The following LPCAT3 variants were observed in gnomAD, a reference collection of about 807,000 sequenced individuals.
LPCAT3 encodes the protein lysophospholipid acyltransferase 5.
A neutral mutation model predicts 63.4 loss-of-function variants in LPCAT3; 21 were observed. The ratio of observed to expected loss-of-function variants is 0.33; its 90% CI spans 0.23 to 0.48. The LOEUF (loss-of-function observed/expected upper bound fraction) is 0.48. Among genes scored for constraint, LPCAT3 ranks in the 20% least tolerant of loss-of-function variants. The probability of loss-of-function intolerance (pLI) is 0.99; values close to 1 mark genes in which losing one functional copy is unlikely to be tolerated. For synonymous variants in LPCAT3, 242 were observed against 227.5 expected, an observed-to-expected ratio of 1.06 and a Z score of -0.58; for missense variants, 451 against 590.6, an observed-to-expected ratio of 0.76 and a Z score of 2.45.
intron 1 of LPCAT3, among the ~76,000 whole-genome samples, chr12:7,007,104 C>A (rs111676401): frequency 6.6e-6 from 1 of 151,604 alleles, no homozygotes; most frequent in Non-Finnish European, 1.5e-5. Context: ...AGTGCAATGG[C>A]GCGATCTCGG....
At position 7,018,232 on chromosome 12, in the gene LPCAT3, G is replaced by A. The variant is rs1370496483; in HGVS notation, c.151+42C>T. On this transcript the variant is annotated intron_variant, in intron 1 of 12. Coordinates refer to ENST00000261407, the MANE Select transcript of LPCAT3 (RefSeq NM_005768.6). This position sits in a 1 kb window ranked among gnomAD's most constrained non-coding sequence, Gnocchi z 4.9. ...TGTCCCCATTCCTCCCCTACTCCCCGGGGACTCCGCGAGGGGCGGAGGGAG... is the reference window on the plus strand; with the variant it reads ...TGTCCCCATTCCTCCCCTACTCCCCAGGGACTCCGCGAGGGGCGGAGGGAG... The A allele has an allele frequency of 2.6e-6, 4 of 1,566,718 alleles. No homozygotes were observed. The highest frequency in any genetic ancestry group is 2.7e-5 in the African/African-American group (2 of 74,036).
Position 6,981,272 on chromosome 12 carries a change from G to A in LPCAT3, c.499-90C>T, listed in dbSNP as rs1946468882. The stretch of plus-strand genomic sequence containing the variant: ...GTGTTCCCCACCTGTGTGCCCCACT[G>A]ACTGGGGTTCTTCAAATAGCCTTCT... On this transcript the variant is annotated intron_variant, in intron 5 of 12. Transcript: ENST00000261407. 5 of 1,069,920 alleles carry A rather than the reference G, an allele frequency of 4.7e-6. No homozygotes were observed. The Admixed American group carries it at 1.2e-4, about 25-fold the overall frequency. 66.3% of individuals were successfully genotyped at this position (1,069,920 alleles called of 1,614,324 possible). A position where few individuals can be genotyped will look rare whatever the true frequency, so the allele number is the denominator to read the frequency against.
intron 1 of LPCAT3, among the ~76,000 whole-genome samples, chr12:6,991,093 A>C (rs1946585661): frequency 6.6e-6 from 1 of 152,214 alleles, no homozygotes; most frequent in African/African-American, 2.4e-5. Flanking sequence ...TCTAATGAGA[A>C]GAATGCCACT....
At position 7,018,259 on chromosome 12, in the gene LPCAT3, C is replaced by A; in HGVS notation, c.151+15G>T. ...GGACTCCGCGAGGGGCGGAGGGAGG[C>A]AGGAGGGTCCTTACCCAGGAAGATG... On this transcript the variant is annotated intron_variant, in intron 1 of 12. Coordinates refer to ENST00000261407, the MANE Select transcript of LPCAT3 (RefSeq NM_005768.6). This position sits in a 1 kb window ranked among gnomAD's most constrained non-coding sequence, Gnocchi z 4.9. 1.9e-6 allele frequency: 3 copies of A among 1,588,926 alleles called. No homozygotes were observed. Among genetic ancestry groups the A allele is most frequent in the Non-Finnish European group, 2.6e-6 (3 of 1,167,876 alleles).
Position 6,987,534 on chromosome 12 carries a change from A to C in LPCAT3, c.152-3995T>G, listed in dbSNP as rs1451633558. On this transcript the variant is annotated intron_variant, in intron 1 of 12. Coordinates refer to ENST00000261407, the MANE Select transcript of LPCAT3 (RefSeq NM_005768.6). The surrounding 1 kb of genome is among the most constrained non-coding windows in gnomAD (Gnocchi z 4.1). ...TAAGAACTAGAGCCAGGAACTAGAA[A>C]GTATATAGACTAAATGTCAATGCCT... is the stretch of plus-strand genomic sequence containing the variant. Among the ~76,000 whole-genome samples, 9 of 152,242 alleles carry C rather than the reference A, an allele frequency of 5.9e-5. No individual in the cohort carries two copies. The highest frequency in any genetic ancestry group is 2.0e-4 in the Admixed American group (3 of 15,278).
intron 1 of LPCAT3, among the ~76,000 whole-genome samples, chr12:6,995,688 C>T (rs1267986770): frequency 2.0e-5 from 3 of 152,010 alleles, no homozygotes; most frequent in South Asian, 2.1e-4. Context: ...GCCTGCACCA[C>T]GTCTTCCCAG....
At chr12:6,979,407 T>A (rs2138329924) in intron 7 of LPCAT3, 64 bp downstream of exon 7, 1 of 1,211,758 alleles carries the variant, frequency 8.3e-7, no homozygotes, top group East Asian at 2.3e-5. Context: ...TCTGTAGGGA[T>A]CCTTGCCTGT....
chr12:6,999,080 C>A (rs1946661835), intron 1 of LPCAT3, among the ~76,000 whole-genome samples: 1 of 152,226 alleles, frequency 6.6e-6, no homozygotes, highest in Non-Finnish European at 1.5e-5. Flanking sequence ...GTCCAGATAA[C>A]AATCTATGCT....
In LPCAT3 at chr12:6,987,825, T is replaced by C. The variant is rs1946543376; in HGVS notation, c.152-4286A>G. 7 of 400,776 alleles carry C rather than the reference T, an allele frequency of 1.7e-5. No homozygotes were observed. The East Asian group carries it at 2.5e-4, about 14-fold the overall frequency. The allele number at this position is 400,776 out of a possible 1,614,324, so 24.8% of individuals were successfully genotyped here. On this transcript the variant is annotated intron_variant, in intron 1 of 12. Coordinates refer to ENST00000261407, the MANE Select transcript of LPCAT3 (RefSeq NM_005768.6). The surrounding 1 kb of genome is among the most constrained non-coding windows in gnomAD (Gnocchi z 4.1). ...TTCCAGAGTAAAGTCATGATGGCTT[T>C]ATGACGTTCTGAGGTATGTGAAATT...
At chr12:6,996,117 C>T (rs782469259) in intron 1 of LPCAT3, among the ~76,000 whole-genome samples, 1 of 152,114 alleles carries the variant, frequency 6.6e-6, no homozygotes, top group Non-Finnish European at 1.5e-5. Flanking sequence ...TCTGCCCGGG[C>T]CCCACTGTCC....
intron 1 of LPCAT3, among the ~76,000 whole-genome samples, chr12:7,009,449 C>G (rs1946747767): frequency 6.6e-6 from 1 of 152,200 alleles, no homozygotes; most frequent in Non-Finnish European, 1.5e-5. Flanking sequence ...TCCTCAAACT[C>G]TAGAGTAATA....
At position 7,018,372 on chromosome 12, in the gene LPCAT3, A is replaced by G; in HGVS notation, c.53T>C (p.Val18Ala). Residue 18 changes from valine (V) to alanine (A), a missense_variant, in exon 1 of 13, where the codon GTT becomes GCT. Coordinates refer to ENST00000261407, the MANE Select transcript of LPCAT3 (RefSeq NM_005768.6). The surrounding 1 kb of genome is among the most constrained non-coding windows in gnomAD (Gnocchi z 4.9). ...CAGCTCCTGGAAACCCGACTGCAGA[A>G]CCCCCGCCAGCGCCACCACAGTCCC... ...DEGTVVALAG[V>A]LQSGFQELSL... 6.2e-7 allele frequency: 1 copy of G among 1,610,352 alleles called. No individual in the cohort carries two copies. Among genetic ancestry groups the G allele is most frequent in the Non-Finnish European group, 8.5e-7 (1 of 1,178,496 alleles).
intron 1 of LPCAT3, among the ~76,000 whole-genome samples, chr12:7,005,822 T>C (rs1946721767): frequency 6.6e-6 from 1 of 152,242 alleles, no homozygotes. Flanking sequence ...ATCTGAATAC[T>C]AGACTTATGA....
intron 1 of LPCAT3, among the ~76,000 whole-genome samples, chr12:6,990,457 C>T (rs1226095369): frequency 2.1e-5 from 3 of 139,626 alleles, no homozygotes; most frequent in East Asian, 4.5e-4. Context: ...TGCAGTGAGC[C>T]GAGATTGTGC....
intron 1 of LPCAT3, among the ~76,000 whole-genome samples, chr12:7,005,582 G>A (rs745341831): frequency 9.9e-5 from 15 of 152,236 alleles, no homozygotes; most frequent in South Asian, 4.1e-4. Flanking sequence ...CAATTTCTCC[G>A]TATCTTCACC....
chr12:7,002,870 G>A (rs1019367909), intron 1 of LPCAT3, among the ~76,000 whole-genome samples: 10 of 152,144 alleles, frequency 6.6e-5, no homozygotes, highest in East Asian at 5.8e-4. Flanking sequence ...TTAGCTGGGC[G>A]TGGTGGCGGG....
At chr12:6,986,893 C>T (rs1946532597) in intron 1 of LPCAT3, among the ~76,000 whole-genome samples, 1 of 151,260 alleles carries the variant, frequency 6.6e-6, no homozygotes, top group East Asian at 1.9e-4. Context: ...GCGGGTGGGT[C>T]GCCTGAGATC....
At chr12:6,997,861 C>T (rs1946651884) in intron 1 of LPCAT3, among the ~76,000 whole-genome samples, 1 of 152,066 alleles carries the variant, frequency 6.6e-6, no homozygotes, top group African/African-American at 2.4e-5. Context: ...GCTGGGATTA[C>T]AGGCGAGAGC....
chr12:7,001,250 T>A (rs1299188543), intron 1 of LPCAT3, among the ~76,000 whole-genome samples: 4 of 130,848 alleles, frequency 3.1e-5, no homozygotes, highest in African/African-American at 1.1e-4. Flanking sequence ...GGGGGTGGGG[T>A]GGGGGCGGGA....
Sources: gnomAD v4.1 joint callset for allele counts (sites outside exome capture counted in the v4.1 genomes callset) on GRCh38, gnomAD v4.1.1 for gene constraint, Gnocchi (gnomAD v3.1) non-coding constraint, MANE v1.5 for transcripts, NCBI Gene and HGNC (gene_info 2026-07-23, HGNC 2026-07-21) for gene names.